POU2F3: variants seen among roughly 807,000 people sequenced by gnomAD.
POU2F3 encodes the protein POU domain, class 2, transcription factor 3.
In POU2F3, 23 loss-of-function variants were observed where a neutral mutation model predicts 59.2. That is an observed-to-expected ratio of 0.39 (90% CI 0.28 to 0.55). POU2F3 has a LOEUF of 0.55. Ranked by LOEUF, POU2F3 falls within the 20% of genes least tolerant of loss-of-function variation. The pLI, the probability that POU2F3 is intolerant of heterozygous loss-of-function variation, is 0.66. For synonymous variants in POU2F3, 190 were observed against 214.6 expected (o/e 0.89, Z 1.00); for missense variants, 473 against 544.5 (o/e 0.87, Z 1.31).
At chr11:120,236,677 G>T (rs552198291), upstream of POU2F3, 1 of 1,504,510 alleles carries the variant, frequency 6.6e-7, no homozygotes, top group Non-Finnish European at 8.9e-7. Context: ...CGGTTTCATG[G>T]AGTCTCCAAG....
At chr11:120,267,569 T>G in intron 2 of POU2F3, among the ~76,000 whole-genome samples, 1 of 93,034 alleles carries the variant, frequency 1.1e-5, no homozygotes, top group East Asian at 2.0e-3. Flanking sequence ...AGATGCGTCA[T>G]GACCTCATGA....
upstream of POU2F3, among the ~76,000 whole-genome samples, chr11:120,239,556 C>T (rs569448676): frequency 7.9e-5 from 12 of 152,274 alleles, no homozygotes; most frequent in African/African-American, 2.4e-4. Flanking sequence ...CACCTGGAAA[C>T]TCTGCTAATA....
chr11:120,295,404 T>C (rs1941167021), intron 3 of POU2F3, among the ~76,000 whole-genome samples: 1 of 152,220 alleles, frequency 6.6e-6, no homozygotes, highest in South Asian at 2.1e-4. Flanking sequence ...GTGCTCCACG[T>C]TCTCCCTCTG....
In POU2F3 at chr11:120,319,840, A is replaced by G. The variant is rs1334625639; in HGVS notation, c.*1448A>G. The G allele has an allele frequency of 6.7e-6, 1 of 150,344 alleles. No homozygotes were observed. The allele number at this position is 150,344 out of a possible 1,614,324, so 9.3% of individuals were successfully genotyped here. ...TAGAGATGTAACATGAAGCCATTCC[A>G]GAAATGGTAACTTAAAAAAAAAAAG... is the stretch of plus-strand genomic sequence containing the variant. On this transcript the variant is annotated 3_prime_UTR_variant, in exon 13 of 13. Coordinates refer to ENST00000543440, the MANE Select transcript of POU2F3 (RefSeq NM_014352.4).
At chr11:120,258,615 C>G (rs1032204004) in intron 2 of POU2F3, among the ~76,000 whole-genome samples, 3 of 152,148 alleles carry the variant, frequency 2.0e-5, no homozygotes, top group African/African-American at 7.2e-5. Flanking sequence ...TAGAACAGAG[C>G]TCTTATTTAA....
rs574453545 is a variant in POU2F3 at position 120,244,542 on chromosome 11, C to T, written c.29-1907C>T. Among the ~76,000 whole-genome samples, 46 of 152,310 alleles carry T rather than the reference C, an allele frequency of 3.0e-4. 1 individual carries two copies. In the South Asian group the frequency reaches 4.8e-3, roughly 16 times the overall value. On this transcript the variant is annotated intron_variant, in intron 1 of 12. Transcript: ENST00000543440. ...AGTTAGTGATGGCATTGAGATTAATCCAGGTTTGTCTGATGCCAAATCCCA... is the reference window on the plus strand; with the variant it reads ...AGTTAGTGATGGCATTGAGATTAATTCAGGTTTGTCTGATGCCAAATCCCA...
At chr11:120,251,318 G>GCA (rs142296157) in intron 2 of POU2F3, among the ~76,000 whole-genome samples, 6 of 151,996 alleles carry the variant, frequency 3.9e-5, no homozygotes, top group South Asian at 2.1e-4. Context: ...CTGTGCGTGC[G>GCA]CACACACACA....
intron 3 of POU2F3, among the ~76,000 whole-genome samples, chr11:120,272,701 C>T (rs1447592762): frequency 6.6e-6 from 1 of 152,118 alleles, no homozygotes; most frequent in Admixed American, 6.5e-5. Flanking sequence ...ACTTCCTGGT[C>T]CCAGGAAGGC....
chr11:120,240,307 CT>C lies in POU2F3; in HGVS notation c.-36del. 7.4e-7 allele frequency: 1 copy of C among 1,356,006 alleles called. No individual in the cohort carries two copies. Among genetic ancestry groups the C allele is most frequent in the South Asian group, 2.2e-5 (1 of 45,756 alleles). The allele number at this position is 1,356,006 out of a possible 1,614,324, so 84.0% of individuals were successfully genotyped here. Reference sequence around the variant, plus strand: ...CCCGGCTGGGGCAGAGGCGAGGGGCCTGGGGGGGCGCTGGCTTTGGCCCCGC... The same window carrying C: ...CCCGGCTGGGGCAGAGGCGAGGGGCCGGGGGGGCGCTGGCTTTGGCCCCGC... On this transcript the variant is annotated 5_prime_UTR_variant, in exon 1 of 13. Transcript: ENST00000543440.
intron 5 of POU2F3, chr11:120,300,765 G>GGA (rs539197545): frequency 1.9e-4 from 41 of 219,114 alleles, no homozygotes; most frequent in Middle Eastern, 1.6e-3. Context: ...CTCTGTCTCT[G>GGA]AAAAAAAAAA....
In POU2F3 at chr11:120,298,314, G is replaced by A. The variant is rs901357838; in HGVS notation, c.182G>A (p.Arg61Gln). Residue 61 changes from arginine to glutamine, a missense_variant, in exon 4 of 13, where the codon CGG becomes CAG. Physicochemically the swap from Arg to Gln is conservative, Grantham distance 43. Transcript: ENST00000543440. Reference protein sequence around the residue: ...SDSLQQTLSHRPCHLSQGPAM... With the variant: ...SDSLQQTLSHQPCHLSQGPAM... ...TCCCTGCAGCAGACCCTCTCCCATC[G>A]GCCATGCCACCTGAGTCAAGGACCT... 1.1e-5 allele frequency: 18 copies of A among 1,613,480 alleles called. No homozygotes were observed. The highest frequency in any genetic ancestry group is 6.7e-5 in the African/African-American group (5 of 74,882).
intron 10 of POU2F3, among the ~76,000 whole-genome samples, chr11:120,314,728 C>T (rs1199978719): frequency 6.6e-6 from 1 of 152,102 alleles, no homozygotes; most frequent in African/African-American, 2.4e-5. Flanking sequence ...GGGGGAGGTT[C>T]CTGAATTGCA....
At chr11:120,269,082 C>A in intron 2 of POU2F3, 128 bp from the exon 3 acceptor site, 1 of 658,272 alleles carries the variant, frequency 1.5e-6, no homozygotes, top group Non-Finnish European at 2.5e-6. Context: ...AGGATCCCAA[C>A]CACAAGCGAA....
At chr11:120,257,282 G>A (rs548144266) in intron 2 of POU2F3, among the ~76,000 whole-genome samples, 21 of 152,212 alleles carry the variant, frequency 1.4e-4, no homozygotes, top group African/African-American at 4.3e-4. Flanking sequence ...CGTTTCCTTA[G>A]GACCCTTTCC....
chr11:120,269,239 A>C lies in POU2F3; in HGVS notation c.127A>C (p.Arg43=). ...TGATCGAAATGGCCTAGATTTCAAC[A>C]GGCAGGTAAGAACTTGGGTCAGAAA... ...GNDRNGLDFN[R]QIKTEDLSDS... Residue 43 remains arginine, a synonymous_variant, in exon 3 of 13, where the codon AGG becomes CGG. Coordinates refer to ENST00000543440, the MANE Select transcript of POU2F3 (RefSeq NM_014352.4). The C allele has an allele frequency of 6.3e-7, 1 of 1,588,004 alleles. No individual in the cohort carries two copies. The highest frequency in any genetic ancestry group is 1.7e-4 in the Middle Eastern group (1 of 5,994).
chr11:120,263,675 G>T (rs1294669878), intron 2 of POU2F3, among the ~76,000 whole-genome samples: 4 of 152,238 alleles, frequency 2.6e-5, no homozygotes, highest in Admixed American at 6.5e-5. Flanking sequence ...GGTTCTCTGA[G>T]GCTATGTGTG....
intron 3 of POU2F3, among the ~76,000 whole-genome samples, chr11:120,270,557 G>C (rs1389176698): frequency 6.6e-6 from 1 of 152,150 alleles, no homozygotes; most frequent in African/African-American, 2.4e-5. Context: ...GAAAAGGGCT[G>C]CATTGGGTAA....
chr11:120,280,153 A>G (rs1353134554), intron 3 of POU2F3, among the ~76,000 whole-genome samples: 3 of 152,282 alleles, frequency 2.0e-5, no homozygotes, highest in African/African-American at 7.2e-5. Context: ...GTCTCTTTGG[A>G]GCAAGGCTTT....
At chr11:120,236,995 T>C (rs1283528839), upstream of POU2F3, among the ~76,000 whole-genome samples, 1 of 152,192 alleles carries the variant, frequency 6.6e-6, no homozygotes, top group African/African-American at 2.4e-5. Flanking sequence ...ATCTAGGTTC[T>C]TTCTACCTCG....
Sources: gnomAD v4.1 joint callset for allele counts (sites outside exome capture counted in the v4.1 genomes callset) on GRCh38, gnomAD v4.1.1 for gene constraint, MANE v1.5 for transcripts, NCBI Gene and HGNC (gene_info 2026-07-23, HGNC 2026-07-21) for gene names.